Variants in SAMMSON observed in about 807,000 individuals in gnomAD.
SAMMSON encodes long intergenic non-protein coding RNA 1212.
At chr3:70,345,596 T>C (rs904029194) in intron 7 of SAMMSON, among the ~76,000 whole-genome samples, 1 of 152,222 alleles carries the variant, frequency 6.6e-6, no homozygotes, top group Non-Finnish European at 1.5e-5. Context: ...TACAGTATCA[T>C]AAAGAATAGC....
chr3:70,123,998 T>G (rs2067445524), intron 4 of SAMMSON, among the ~76,000 whole-genome samples: 1 of 152,212 alleles, frequency 6.6e-6, no homozygotes, highest in South Asian at 2.1e-4. Flanking sequence ...CTGAACAGAT[T>G]GGGCGGATGC....
At chr3:70,128,562 A>G (rs1033338384) in intron 4 of SAMMSON, among the ~76,000 whole-genome samples, 1 of 152,210 alleles carries the variant, frequency 6.6e-6, no homozygotes, top group African/African-American at 2.4e-5. Context: ...TGGAATAAAG[A>G]CATCATATGA....
At chr3:70,071,129 T>G (rs1256531989) in intron 3 of SAMMSON, among the ~76,000 whole-genome samples, 1 of 152,022 alleles carries the variant, frequency 6.6e-6, no homozygotes, top group East Asian at 1.9e-4. Flanking sequence ...AAGGGATAGC[T>G]CATAGTGAAG....
chr3:70,125,450 G>T, intron 4 of SAMMSON: 1 of 863,156 alleles, frequency 1.2e-6, no homozygotes, highest in Non-Finnish European at 1.9e-6. Flanking sequence ...TTCCCTTCTA[G>T]AAATACATTC....
intron 3 of SAMMSON, chr3:70,025,039 A>T (rs1383029033): frequency 6.6e-6 from 1 of 152,034 alleles, no homozygotes; most frequent in Non-Finnish European, 1.5e-5. Flanking sequence ...AGATAACACC[A>T]TGGGCTAAGA....
At chr3:70,005,162 GA>G (rs1232289325) in intron 1 of SAMMSON, among the ~76,000 whole-genome samples, 4 of 152,060 alleles carry the variant, frequency 2.6e-5, no homozygotes, top group Non-Finnish European at 5.9e-5. Flanking sequence ...CTCCTTCAAT[GA>G]AATATTTTAT....
At chr3:70,049,971 C>T (rs1392617175) in intron 3 of SAMMSON, among the ~76,000 whole-genome samples, 2 of 152,022 alleles carry the variant, frequency 1.3e-5, no homozygotes, top group African/African-American at 2.4e-5. Flanking sequence ...TATGAGTCAC[C>T]TTCCAGGGAG....
intron 7 of SAMMSON, among the ~76,000 whole-genome samples, chr3:70,318,968 T>C (rs1331774891): frequency 6.6e-6 from 1 of 152,080 alleles, no homozygotes; most frequent in Non-Finnish European, 1.5e-5. Context: ...AGGAAATATC[T>C]CCTCTTTGGT....
At chr3:70,117,916 T>A (rs574670473) in intron 4 of SAMMSON, among the ~76,000 whole-genome samples, 2 of 152,288 alleles carry the variant, frequency 1.3e-5, no homozygotes, top group East Asian at 1.9e-4. Flanking sequence ...AATTTAATTT[T>A]ATTTATTTAT....
intron 4 of SAMMSON, among the ~76,000 whole-genome samples, chr3:70,132,472 A>G (rs1013346861): frequency 1.6e-4 from 24 of 152,088 alleles, no homozygotes; most frequent in African/African-American, 5.6e-4. Context: ...CTCCTCCTAT[A>G]ATCTGTGGGA....
intron 2 of SAMMSON, among the ~76,000 whole-genome samples, chr3:70,406,350 GA>G (rs1701177696): frequency 6.6e-6 from 1 of 152,098 alleles, no homozygotes; most frequent in Non-Finnish European, 1.5e-5. Flanking sequence ...TTTACAAAAT[GA>G]AAGTACTATA....
At chr3:70,029,932 C>G (rs530024796) in intron 3 of SAMMSON, among the ~76,000 whole-genome samples, 1 of 152,266 alleles carries the variant, frequency 6.6e-6, no homozygotes, top group Admixed American at 6.5e-5. Flanking sequence ...GAGATTCTCA[C>G]TTCTAGAATC....
intron 4 of SAMMSON, among the ~76,000 whole-genome samples, chr3:70,076,490 A>T (rs1435687926): frequency 6.6e-6 from 1 of 152,124 alleles, no homozygotes; most frequent in Non-Finnish European, 1.5e-5. Context: ...TGGGCCACTG[A>T]TTTCTTTGAA....
At chr3:70,115,344 A>G (rs548276324) in intron 4 of SAMMSON, among the ~76,000 whole-genome samples, 3 of 152,062 alleles carry the variant, frequency 2.0e-5, no homozygotes, top group Non-Finnish European at 4.4e-5. Context: ...TGTTCACTAT[A>G]TTAGGGCTAC....
At chr3:70,298,030 A>T (rs1183711005) in intron 7 of SAMMSON, among the ~76,000 whole-genome samples, 2 of 152,106 alleles carry the variant, frequency 1.3e-5, no homozygotes, top group Non-Finnish European at 2.9e-5. Flanking sequence ...TCAGGGTCAC[A>T]TCTAAGATTG....
intron 9 of SAMMSON, among the ~76,000 whole-genome samples, chr3:70,387,902 T>G (rs1396635153): frequency 1.3e-5 from 2 of 152,100 alleles, no homozygotes; most frequent in Non-Finnish European, 1.5e-5. Flanking sequence ...ATGATTGAAA[T>G]GGATTATAAA....
At chr3:70,100,012 C>T (rs2067336568) in intron 4 of SAMMSON, among the ~76,000 whole-genome samples, 1 of 152,176 alleles carries the variant, frequency 6.6e-6, no homozygotes, top group South Asian at 2.1e-4. Flanking sequence ...CCTGAATGGC[C>T]TACCAGAAAT....
At chr3:70,165,777 C>T (rs187200117) in intron 4 of SAMMSON, among the ~76,000 whole-genome samples, 15 of 152,038 alleles carry the variant, frequency 9.9e-5, no homozygotes, top group Non-Finnish European at 2.2e-4. Context: ...ATCAAATTTA[C>T]CATTCTTATA....
At chr3:70,160,761 G>A (rs767189825) in intron 4 of SAMMSON, among the ~76,000 whole-genome samples, 7 of 152,012 alleles carry the variant, frequency 4.6e-5, no homozygotes, top group Non-Finnish European at 8.8e-5. Context: ...GAAAAGTACT[G>A]CATTGAATCC....
Sources: gnomAD v4.1 joint callset for allele counts (sites outside exome capture counted in the v4.1 genomes callset) on GRCh38, gnomAD v4.1.1 for gene constraint, MANE v1.5 for transcripts, NCBI Gene and HGNC (gene_info 2026-07-23, HGNC 2026-07-21) for gene names.